RIMS2: variants seen among roughly 807,000 people sequenced by gnomAD.
RIMS2 encodes regulating synaptic membrane exocytosis protein 2.
A neutral mutation model predicts 174.4 loss-of-function variants in RIMS2; 59 were observed. The ratio of observed to expected loss-of-function variants is 0.34; its 90% CI spans 0.27 to 0.42. The LOEUF is 0.42. Among genes scored for constraint, RIMS2 ranks in the 10% least tolerant of loss-of-function variants. The probability of loss-of-function intolerance (pLI) is 1.00; values close to 1 mark genes in which losing one functional copy is unlikely to be tolerated. For missense variants in RIMS2, 1,620 were observed against 1,666.3 expected (o/e 0.97, Z 0.48); for synonymous variants, 606 against 572.5 (o/e 1.06, Z -0.84).
chr8:104,245,680 TG>T lies in RIMS2; in HGVS notation c.3476+627del, dbSNP rs1394663551. Among the ~76,000 whole-genome samples, 6 of 152,250 alleles carry T rather than the reference TG, an allele frequency of 3.9e-5. No individual in the cohort carries two copies. The East Asian group carries it at 9.6e-4, about 24-fold the overall frequency. On this transcript the variant is annotated intron_variant, in intron 20 of 23. Coordinates refer to ENST00000504942, the Ensembl canonical transcript of RIMS2. ...TACTTAGCAACTAAAGATCTGGAAGTGGGGCTGTAAAGGACATTAACAAAGG... is the reference window on the plus strand; with the variant it reads ...TACTTAGCAACTAAAGATCTGGAAGTGGGCTGTAAAGGACATTAACAAAGG...
At chr8:104,147,046 G>A (rs1050666968) in intron 19 of RIMS2, among the ~76,000 whole-genome samples, 3 of 152,096 alleles carry the variant, frequency 2.0e-5, no homozygotes, top group Admixed American at 1.3e-4. Flanking sequence ...TGGAACATAG[G>A]TTATATAAAA....
At chr8:104,023,319 T>G (rs1361491124) in intron 19 of RIMS2, among the ~76,000 whole-genome samples, 1 of 151,986 alleles carries the variant, frequency 6.6e-6, no homozygotes, top group Non-Finnish European at 1.5e-5. Flanking sequence ...TGATGTCAAT[T>G]ACTACATTGA....
chr8:103,810,103 A>G (rs2098677165), intron 3 of RIMS2, among the ~76,000 whole-genome samples: 2 of 152,180 alleles, frequency 1.3e-5, no homozygotes, highest in Admixed American at 6.6e-5. Context: ...TCTAACAGCA[A>G]TTGTTTGAGC....
chr8:104,243,896 C>T (rs1330512462), intron 19 of RIMS2, among the ~76,000 whole-genome samples: 1 of 152,148 alleles, frequency 6.6e-6, no homozygotes, highest in East Asian at 1.9e-4. Context: ...AATTTGGGCT[C>T]AGTTTTTTGT....
chr8:103,737,645 C>A (rs2097703769), intron 2 of RIMS2, among the ~76,000 whole-genome samples: 1 of 152,172 alleles, frequency 6.6e-6, no homozygotes, highest in Admixed American at 6.5e-5. Flanking sequence ...AGGCAAAATG[C>A]AATCTGGCTT....
At chr8:103,582,103 A>G (rs1237032720) in intron 1 of RIMS2, among the ~76,000 whole-genome samples, 1 of 152,120 alleles carries the variant, frequency 6.6e-6, no homozygotes, top group Non-Finnish European at 1.5e-5. Flanking sequence ...CAGCCACAGC[A>G]GGATAGGGCA....
intron 19 of RIMS2, among the ~76,000 whole-genome samples, chr8:104,147,810 G>A (rs548005128): frequency 9.2e-5 from 14 of 152,184 alleles, no homozygotes; most frequent in African/African-American, 3.1e-4. Context: ...CCCAGAAATC[G>A]TGGAAAAATC....
intron 19 of RIMS2, among the ~76,000 whole-genome samples, chr8:104,177,338 G>A (rs1392656034): frequency 2.0e-5 from 3 of 152,028 alleles, no homozygotes; most frequent in Non-Finnish European, 4.4e-5. Flanking sequence ...TAAATTTATG[G>A]CTATATTCTA....
At position 104,251,513 on chromosome 8, in the gene RIMS2, G is replaced by A. The variant is rs1372524698; in HGVS notation, c.3832-89G>A. Reference sequence around the variant, plus strand: ...GATCTTTGATGTCAGAAAATTAACTGAATGTACTTTAGTATTTTAATATAT... The same window carrying A: ...GATCTTTGATGTCAGAAAATTAACTAAATGTACTTTAGTATTTTAATATAT... On this transcript the variant is annotated intron_variant, in intron 23 of 23. Coordinates refer to ENST00000504942, the Ensembl canonical transcript of RIMS2. The A allele has an allele frequency of 1.8e-4, 140 of 756,900 alleles. 1 individual carries two copies. Among genetic ancestry groups the A allele is most frequent in the Non-Finnish European group, 2.3e-5 (10 of 430,802 alleles). 46.9% of individuals were successfully genotyped at this position (756,900 alleles called of 1,614,324 possible). A position where few individuals can be genotyped will look rare whatever the true frequency, so the allele number is the denominator to read the frequency against.
intron 1 of RIMS2, among the ~76,000 whole-genome samples, chr8:103,582,421 G>A (rs1168039739): frequency 6.6e-6 from 1 of 152,142 alleles, no homozygotes; most frequent in East Asian, 1.9e-4. Context: ...AAAGTAAAGG[G>A]AACTTTGTCT....
intron 1 of RIMS2, among the ~76,000 whole-genome samples, chr8:103,554,601 T>TC (rs1246565802): frequency 2.0e-5 from 3 of 152,130 alleles, no homozygotes; most frequent in Non-Finnish European, 4.4e-5. Context: ...GTAAATTAGT[T>TC]CCGCCATTAT....
At chr8:103,978,398 G>A (rs983287463) in intron 16 of RIMS2, among the ~76,000 whole-genome samples, 6 of 117,796 alleles carry the variant, frequency 5.1e-5, no homozygotes, top group Non-Finnish European at 1.3e-4. Context: ...TGTCAAAAGT[G>A]TCATAAAGGA....
intron 19 of RIMS2, among the ~76,000 whole-genome samples, chr8:104,222,886 G>C (rs1358182659): frequency 6.6e-6 from 1 of 152,056 alleles, no homozygotes; most frequent in African/African-American, 2.4e-5. Flanking sequence ...ATCGGTTCTT[G>C]GTTTCTTTAG....
intron 1 of RIMS2, among the ~76,000 whole-genome samples, chr8:103,532,908 A>G (rs963493240): frequency 1.1e-4 from 17 of 152,238 alleles, no homozygotes; most frequent in African/African-American, 4.1e-4. Context: ...ATGTGACTTT[A>G]AAGTACAGTA....
chr8:103,553,120 C>T (rs188672846), intron 1 of RIMS2, among the ~76,000 whole-genome samples: 2 of 152,212 alleles, frequency 1.3e-5, no homozygotes, highest in East Asian at 3.9e-4. Flanking sequence ...GATTATAAAT[C>T]ATGCTGCTAT....
At chr8:103,987,251 G>A (rs1056535421) in intron 16 of RIMS2, among the ~76,000 whole-genome samples, 6 of 151,610 alleles carry the variant, frequency 4.0e-5, no homozygotes, top group African/African-American at 7.3e-5. Context: ...CTCAGATACC[G>A]GGACTATGTG....
intron 3 of RIMS2, among the ~76,000 whole-genome samples, chr8:103,872,726 T>C (rs2099118574): frequency 6.6e-6 from 1 of 152,200 alleles, no homozygotes; most frequent in South Asian, 2.1e-4. Flanking sequence ...CTATTGGGCT[T>C]ATGTCTTTTC....
chr8:104,025,878 G>A (rs1428863806), intron 19 of RIMS2, among the ~76,000 whole-genome samples: 2 of 152,018 alleles, frequency 1.3e-5, no homozygotes, highest in African/African-American at 2.4e-5. Flanking sequence ...TGTTGTAATT[G>A]CCTGCAGTAT....
At chr8:103,711,913 T>TA (rs1237749814) in intron 2 of RIMS2, among the ~76,000 whole-genome samples, 3 of 151,600 alleles carry the variant, frequency 2.0e-5, no homozygotes, top group African/African-American at 7.3e-5. Flanking sequence ...TATATATATA[T>TA]ATCACACTTT....
Sources: gnomAD v4.1 joint callset for allele counts (sites outside exome capture counted in the v4.1 genomes callset) on GRCh38, gnomAD v4.1.1 for gene constraint, MANE v1.5 for transcripts, NCBI Gene and HGNC (gene_info 2026-07-23, HGNC 2026-07-21) for gene names.